The following ECI2 variants were observed in gnomAD, a reference collection of about 807,000 sequenced individuals.
ECI2 encodes D3,D2-enoyl-CoA isomerase.
ECI2 carries 27 observed loss-of-function variants against 38.4 expected under a neutral mutation model. The observed-to-expected ratio is 0.70, with a 90% CI of 0.52 to 0.97. The LOEUF (loss-of-function observed/expected upper bound fraction) is 0.97, where lower values mean the gene tolerates loss of function less well. Ranked by LOEUF, ECI2 falls within the 50% of genes least tolerant of loss-of-function variation. The pLI is 0.00. For synonymous variants in ECI2, 168 were observed against 172.0 expected (o/e 0.98, Z 0.18); for missense variants, 470 against 474.4 (o/e 0.99, Z 0.09).
intron 8 of ECI2, 107 bp from the exon 9 acceptor site, chr6:4,117,558 G>A (rs1772365526): frequency 2.1e-6 from 3 of 1,446,274 alleles, no homozygotes; most frequent in Non-Finnish European, 2.8e-6. Flanking sequence ...GTCTTTTGAG[G>A]TTGCTGGTAT....
At position 4,125,802 on chromosome 6, in the gene ECI2, C is replaced by T. The variant is rs1221016206; in HGVS notation, c.674+333G>A. Reference sequence around the variant, plus strand: ...ACTCCTCCGAGTCTCCTACCTTCAGCGTTCATGGAAATCTCCCATTCCTCT... The same window carrying T: ...ACTCCTCCGAGTCTCCTACCTTCAGTGTTCATGGAAATCTCCCATTCCTCT... On this transcript the variant is annotated intron_variant, in intron 6 of 9. Transcript: ENST00000380118. 1.7e-4 allele frequency: 77 copies of T among 440,568 alleles called. 1 individual carries two copies. The highest frequency in any genetic ancestry group is 1.3e-3 in the South Asian group (60 of 47,766). The allele number at this position is 440,568 out of a possible 1,614,324, so 27.3% of individuals were successfully genotyped here.
chr6:4,116,282 CG>C (rs1217077272), intron 9 of ECI2, among the ~76,000 whole-genome samples: 2 of 150,804 alleles, frequency 1.3e-5, no homozygotes, highest in African/African-American at 4.9e-5. Flanking sequence ...ACCCGGGAGG[CG>C]GAGGTTGCAG....
At chr6:4,133,430 G>C in intron 2 of ECI2, 119 bp downstream of exon 2, 1 of 1,167,142 alleles carries the variant, frequency 8.6e-7, no homozygotes, top group Admixed American at 2.3e-5. Flanking sequence ...ACTCTTCAGA[G>C]AAGAGGGAGC....
rs1317144645 is a variant in ECI2, at chr6:4,135,553, A to T, written c.8T>A (p.Met3Lys). Residue 3 changes from methionine to lysine, a missense_variant, in exon 1 of 10, where the codon ATG (methionine) becomes AAG (lysine). By Grantham distance (95) the Met-to-Lys change is moderately conservative (BLOSUM62 -1). Coordinates refer to ENST00000380118, the MANE Select transcript of ECI2 (RefSeq NM_206836.3). MA[M>K]AYLAWRLARR... ...CGCCAGTCTCCAAGCCAAGTACGCC[A>T]TCGCCATCCCTTGGGCGGCTCTAGG... 6.3e-7 allele frequency: 1 copy of T among 1,582,774 alleles called. No homozygotes were observed. The highest frequency in any genetic ancestry group is 2.3e-5 in the East Asian group (1 of 42,578).
chr6:4,119,618 G>A (rs1415881994), intron 7 of ECI2, among the ~76,000 whole-genome samples: 1 of 152,098 alleles, frequency 6.6e-6, no homozygotes, highest in Non-Finnish European at 1.5e-5. Context: ...ACCATGCCTG[G>A]CTTCATGTGT....
At chr6:4,117,096 C>A (rs1772330341) in intron 9 of ECI2, among the ~76,000 whole-genome samples, 1 of 152,192 alleles carries the variant, frequency 6.6e-6, no homozygotes, top group South Asian at 2.1e-4. Flanking sequence ...TGTCCCCACA[C>A]AGAAATGGAA....
Position 4,135,494 on chromosome 6 carries a change from C to T in ECI2, c.50+17G>A, listed in dbSNP as rs377382757. 137 of 1,552,210 alleles carry T rather than the reference C, an allele frequency of 8.8e-5. No individual in the cohort carries two copies. The highest frequency in any genetic ancestry group is 1.1e-4 in the Non-Finnish European group (129 of 1,141,692). On this transcript the variant is annotated intron_variant, in intron 1 of 9. Coordinates refer to ENST00000380118, the MANE Select transcript of ECI2 (RefSeq NM_206836.3). ...TGCGGGCGACCATGGGCCGAACGGC[C>T]GGGACTCCAAGCTTACCTCGGACAC...
intron 1 of ECI2, among the ~76,000 whole-genome samples, chr6:4,133,972 A>T (rs969682052): frequency 5.9e-5 from 9 of 152,268 alleles, no homozygotes; most frequent in Non-Finnish European, 1.2e-4. Flanking sequence ...AACTAAAGAT[A>T]AAAGCAGCCA....
intron 1 of ECI2, 123 bp downstream of exon 1, chr6:4,135,388 A>C: frequency 6.4e-7 from 1 of 1,558,504 alleles, no homozygotes; most frequent in Non-Finnish European, 8.7e-7. Flanking sequence ...AAAACCAGCA[A>C]AGCAAAATCC....
intron 1 of ECI2, chr6:4,133,928 G>T (rs1317153163): frequency 2.2e-6 from 1 of 452,844 alleles, no homozygotes; most frequent in African/African-American, 2.0e-5. Context: ...TTAAATAAAA[G>T]GAAAAGTAAC....
intron 4 of ECI2, among the ~76,000 whole-genome samples, chr6:4,128,130 G>T (rs1773297050): frequency 6.6e-6 from 1 of 151,990 alleles, no homozygotes; most frequent in Admixed American, 6.6e-5. Context: ...AATTAACAGA[G>T]GACTTAACAT....
intron 7 of ECI2, chr6:4,121,971 C>A: frequency 1.3e-6 from 2 of 1,592,574 alleles, no homozygotes; most frequent in Non-Finnish European, 1.7e-6. Context: ...AAAAAATGTA[C>A]CCAGAAGACA....
intron 5 of ECI2, among the ~76,000 whole-genome samples, chr6:4,127,250 G>A (rs1773220147): frequency 6.6e-6 from 1 of 152,012 alleles, no homozygotes; most frequent in African/African-American, 2.4e-5. Context: ...TATAAATCAG[G>A]TTACCATGTC....
rs772810152 is a variant in ECI2 at position 4,119,205 on chromosome 6, T to C, written c.866A>G (p.Lys289Arg). 4 of 1,613,576 alleles carry C rather than the reference T, an allele frequency of 2.5e-6. No homozygotes were observed. The East Asian group carries it at 8.9e-5, about 36-fold the overall frequency. The change falls in exon 8 of 10, where the codon AAG becomes AGG. Residue 289 changes from lysine (K) to arginine (R), a missense_variant. Transcript: ENST00000380118. ...PEGCSSYTFP[K>R]IMSPAKATEM... is the part of the protein sequence containing the mutation. ...AGTTACCTTGGCTGGGCTCATTATC[T>C]TCGGAAAAGTGTAAGAGGAGCATCC...
Position 4,129,505 on chromosome 6 carries a change from A to G in ECI2, c.501+867T>C, listed in dbSNP as rs779737743. On this transcript the variant is annotated intron_variant, in intron 4 of 9. Transcript: ENST00000380118. ...CTAATTATTTTATTGTTAAGTAATG[A>G]TAACAGTAGGCTCCCTGTGAGAATT... is the stretch of plus-strand genomic sequence containing the variant. Among the ~76,000 whole-genome samples, 19 of 152,356 alleles carry G rather than the reference A, an allele frequency of 1.2e-4. No homozygotes were observed. In the South Asian group the frequency reaches 3.7e-3, roughly 30 times the overall value.
At chr6:4,131,112 G>A (rs755735197) in intron 2 of ECI2, among the ~76,000 whole-genome samples, 15 of 142,188 alleles carry the variant, frequency 1.1e-4, no homozygotes, top group Non-Finnish European at 1.9e-4. Context: ...AAGGTTTTGG[G>A]GAAGTATTTT....
At chr6:4,126,385 G>A (rs950592000) in intron 5 of ECI2, 148 bp from the exon 6 acceptor site, 5 of 632,088 alleles carry the variant, frequency 7.9e-6, no homozygotes, top group African/African-American at 3.7e-5. Context: ...TAGTGAGTAC[G>A]CTGGACACTG....
chr6:4,133,968 A>C (rs1400284898), intron 1 of ECI2, among the ~76,000 whole-genome samples: 1 of 152,256 alleles, frequency 6.6e-6, no homozygotes, highest in African/African-American at 2.4e-5. Flanking sequence ...AAGCAACTAA[A>C]GATAAAAGCA....
chr6:4,131,631 T>C (rs1362983251), intron 2 of ECI2, among the ~76,000 whole-genome samples: 5 of 151,852 alleles, frequency 3.3e-5, no homozygotes, highest in East Asian at 1.9e-4. Flanking sequence ...CTGAGGTGGG[T>C]GGATCACCTG....
Sources: gnomAD v4.1 joint callset for allele counts (sites outside exome capture counted in the v4.1 genomes callset) on GRCh38, gnomAD v4.1.1 for gene constraint, MANE v1.5 for transcripts, NCBI Gene and HGNC (gene_info 2026-07-23, HGNC 2026-07-21) for gene names.